Variants in SCG5 observed in about 807,000 individuals in gnomAD.
The protein encoded by SCG5 is neuroendocrine protein 7B2.
SCG5 carries 18 observed loss-of-function variants against 25.7 expected under a neutral mutation model. That is an observed-to-expected ratio of 0.70 (90% CI 0.48 to 1.04). The LOEUF (loss-of-function observed/expected upper bound fraction) is 1.04, where lower values mean the gene tolerates loss of function less well. Among genes scored for constraint, SCG5 ranks in the 50% least tolerant of loss-of-function variants. The probability of loss-of-function intolerance (pLI) is 0.00; values close to 1 mark genes in which losing one functional copy is unlikely to be tolerated. For missense variants in SCG5, 206 were observed against 259.8 expected, an observed-to-expected ratio of 0.79 and a Z score of 1.42; for synonymous variants, 101 against 91.7, an observed-to-expected ratio of 1.10 and a Z score of -0.58.
chr15:32,689,028 C>G (rs1213435727), intron 4 of SCG5, among the ~76,000 whole-genome samples: 1 of 151,094 alleles, frequency 6.6e-6, no homozygotes, highest in Non-Finnish European at 1.5e-5. Context: ...AAATATTCTG[C>G]TCCTCGTTCA....
chr15:32,679,979 A>G, intron 3 of SCG5, 64 bp downstream of exon 3: 1 of 1,392,776 alleles, frequency 7.2e-7, no homozygotes, highest in Non-Finnish European at 1.0e-6. Flanking sequence ...CAGAAATTCT[A>G]ACATCAGCTA....
chr15:32,645,326 C>T (rs540619924), intron 2 of SCG5, among the ~76,000 whole-genome samples: 16 of 152,304 alleles, frequency 1.1e-4, no homozygotes, highest in East Asian at 5.8e-4. Context: ...CAGCCACTCC[C>T]GGGGCATCAA....
At chr15:32,649,455 CA>C (rs2053999181) in intron 2 of SCG5, among the ~76,000 whole-genome samples, 1 of 152,156 alleles carries the variant, frequency 6.6e-6, no homozygotes, top group Non-Finnish European at 1.5e-5. Flanking sequence ...CACCATGGTG[CA>C]AGGTTTGTGC....
intron 2 of SCG5, 72 bp from the exon 3 acceptor site, chr15:32,679,694 A>G: frequency 1.3e-6 from 2 of 1,513,798 alleles, no homozygotes; most frequent in Non-Finnish European, 1.8e-6. Context: ...TTCCTGTGTG[A>G]TATGCCTGAA....
At chr15:32,691,435 A>G (rs766925242) in intron 4 of SCG5, among the ~76,000 whole-genome samples, 2 of 152,212 alleles carry the variant, frequency 1.3e-5, no homozygotes, top group Non-Finnish European at 1.5e-5. Flanking sequence ...AGCACCCTTC[A>G]TGTTTTAAAA....
chr15:32,695,205 C>A (rs375964080), intron 5 of SCG5, among the ~76,000 whole-genome samples: 2 of 151,794 alleles, frequency 1.3e-5, no homozygotes, highest in African/African-American at 4.8e-5. Context: ...TTAGTAGAGA[C>A]GGGGTTTCAC....
At chr15:32,654,852 T>C (rs2054089302) in intron 2 of SCG5, among the ~76,000 whole-genome samples, 1 of 152,234 alleles carries the variant, frequency 6.6e-6, no homozygotes, top group Admixed American at 6.5e-5. Context: ...CATTGACCTC[T>C]GAGACACCAG....
chr15:32,659,511 G>T (rs1334080284), intron 2 of SCG5, among the ~76,000 whole-genome samples: 2 of 152,182 alleles, frequency 1.3e-5, no homozygotes, highest in Non-Finnish European at 2.9e-5. Flanking sequence ...ATAGCAATAG[G>T]CCTTGCCAGA....
intron 4 of SCG5, among the ~76,000 whole-genome samples, chr15:32,684,931 T>G (rs1245354568): frequency 6.6e-6 from 1 of 152,214 alleles, no homozygotes; most frequent in African/African-American, 2.4e-5. Context: ...TCTGGTCTGC[T>G]TCACAGCCTG....
chr15:32,654,837 A>G (rs965661744), intron 2 of SCG5, among the ~76,000 whole-genome samples: 3 of 152,194 alleles, frequency 2.0e-5, no homozygotes, highest in African/African-American at 7.2e-5. Flanking sequence ...CTCCCTTGAA[A>G]TAGCCATTGA....
At chr15:32,659,017 A>G (rs981329801) in intron 2 of SCG5, among the ~76,000 whole-genome samples, 18 of 152,122 alleles carry the variant, frequency 1.2e-4, no homozygotes, top group African/African-American at 4.3e-4. Context: ...TCTACTAAAA[A>G]TACAAAAAAT....
chr15:32,681,613 C>A (rs1385534885), intron 3 of SCG5, among the ~76,000 whole-genome samples: 12 of 151,652 alleles, frequency 7.9e-5, no homozygotes, highest in African/African-American at 2.9e-4. Flanking sequence ...CCATGCCCAG[C>A]TAATTTTTAA....
At chr15:32,656,862 A>G (rs896680141) in intron 2 of SCG5, among the ~76,000 whole-genome samples, 8 of 151,930 alleles carry the variant, frequency 5.3e-5, no homozygotes, top group African/African-American at 9.7e-5. Flanking sequence ...ACTTTTGACC[A>G]TGGTGTGCTG....
rs114974150 is a variant in SCG5 at position 32,686,057 on chromosome 15, C to T, written c.489+1388C>T. Among the ~76,000 whole-genome samples, 437 of 152,302 alleles carry T rather than the reference C, an allele frequency of 2.9e-3. 1 individual carries two copies. Among genetic ancestry groups the T allele is most frequent in the Middle Eastern group, 0.014 (4 of 292 alleles). On this transcript the variant is annotated intron_variant, in intron 4 of 5. Coordinates refer to ENST00000300175, the MANE Select transcript of SCG5 (RefSeq NM_001144757.3). Reference sequence around the variant, plus strand: ...CATTGTCAGTTCCCTCTGTCTTCAACATACACACATTTCCTGTCTTAAAAC... The same window carrying T: ...CATTGTCAGTTCCCTCTGTCTTCAATATACACACATTTCCTGTCTTAAAAC...
intron 2 of SCG5, among the ~76,000 whole-genome samples, chr15:32,661,832 G>T (rs754810468): frequency 6.6e-6 from 1 of 152,026 alleles, no homozygotes; most frequent in Non-Finnish European, 1.5e-5. Flanking sequence ...AAAAGCTGTC[G>T]TGGATCATTT....
rs137881520 is a variant in SCG5 at position 32,675,940 on chromosome 15, G to C, written c.227-3826G>C. Reference sequence around the variant, plus strand: ...TGGTTAGTGCAGTAAGATAGTTAAGGAGGCTGGGATGAATAGACCAAATGG... The same window carrying C: ...TGGTTAGTGCAGTAAGATAGTTAAGCAGGCTGGGATGAATAGACCAAATGG... On this transcript the variant is annotated intron_variant, in intron 2 of 5. Transcript: ENST00000300175. Among the ~76,000 whole-genome samples, 374 of 152,276 alleles carry C rather than the reference G, an allele frequency of 2.5e-3. 3 individuals carry two copies. Among genetic ancestry groups the C allele is most frequent in the African/African-American group, 8.6e-3 (358 of 41,558 alleles).
At chr15:32,678,132 TA>T (rs2054560567) in intron 2 of SCG5, among the ~76,000 whole-genome samples, 1 of 152,204 alleles carries the variant, frequency 6.6e-6, no homozygotes. Flanking sequence ...ATGTCAGTAG[TA>T]CTTCTGAAGG....
At chr15:32,667,591 A>G (rs970251307) in intron 2 of SCG5, among the ~76,000 whole-genome samples, 4 of 152,284 alleles carry the variant, frequency 2.6e-5, no homozygotes, top group South Asian at 2.1e-4. Context: ...CTCTTTTAAC[A>G]TAACATTGAG....
intron 2 of SCG5, among the ~76,000 whole-genome samples, chr15:32,655,295 G>A (rs1476251652): frequency 1.3e-5 from 2 of 151,458 alleles, no homozygotes; most frequent in East Asian, 1.9e-4. Context: ...GCAACAGAGC[G>A]AGACTCTGTC....
Sources: gnomAD v4.1 joint callset for allele counts (sites outside exome capture counted in the v4.1 genomes callset) on GRCh38, gnomAD v4.1.1 for gene constraint, MANE v1.5 for transcripts, NCBI Gene and HGNC (gene_info 2026-07-23, HGNC 2026-07-21) for gene names.